Variants in ZMYND8 observed in about 807,000 individuals in gnomAD.
ZMYND8 encodes the protein zinc finger MYND-type containing 8.
In ZMYND8, 37 loss-of-function variants were observed where a neutral mutation model predicts 140.8. The ratio of observed to expected loss-of-function variants is 0.26; its 90% confidence interval spans 0.20 to 0.35. ZMYND8 has a LOEUF of 0.35. Ranked by LOEUF, ZMYND8 falls within the 10% of genes least tolerant of loss-of-function variation. ZMYND8 has a pLI of 1.00. For synonymous variants in ZMYND8, 592 were observed against 597.1 expected, an observed-to-expected ratio of 0.99 and a Z score of 0.12; for missense variants, 1,068 against 1,570.0, an observed-to-expected ratio of 0.68 and a Z score of 5.40.
At chr20:47,325,142 T>C (rs1272193039) in intron 2 of ZMYND8, among the ~76,000 whole-genome samples, 1 of 152,164 alleles carries the variant, frequency 6.6e-6, no homozygotes, top group Non-Finnish European at 1.5e-5. Flanking sequence ...TGACCTCAGG[T>C]GATTCACCCA....
At position 47,246,525 on chromosome 20, in the gene ZMYND8, C is replaced by T. The variant is rs756839685; in HGVS notation, c.1775-8G>A. The T allele has an allele frequency of 9.0e-6, 14 of 1,556,976 alleles. No homozygotes were observed. The Admixed American group carries it at 2.3e-4, about 25-fold the overall frequency. ...CCGAGATTTCATTTATGCCTAAATT[C>T]AAAAAGAAAACCCAGCATGTGGCGT... On this transcript the variant is annotated splice_polypyrimidine_tract_variant and splice_region_variant and intron_variant, in intron 13 of 22. Coordinates refer to ENST00000471951, the MANE Select transcript of ZMYND8 (RefSeq NM_001281775.3).
At chr20:47,235,665 T>C (rs957222659) in intron 16 of ZMYND8, among the ~76,000 whole-genome samples, 1 of 148,962 alleles carries the variant, frequency 6.7e-6, no homozygotes, top group Non-Finnish European at 1.5e-5. Flanking sequence ...CGAGATTGTG[T>C]CACTGCACTC....
chr20:47,211,219 T>C (rs1239810055), intron 22 of ZMYND8, among the ~76,000 whole-genome samples: 2 of 152,214 alleles, frequency 1.3e-5, no homozygotes, highest in African/African-American at 4.8e-5. Context: ...GTATCCTTAC[T>C]ACATCACTGA....
intron 2 of ZMYND8, among the ~76,000 whole-genome samples, chr20:47,340,033 C>G (rs1263333576): frequency 1.3e-5 from 2 of 152,044 alleles, no homozygotes; most frequent in Non-Finnish European, 2.9e-5. Flanking sequence ...ACCTCTGCCT[C>G]CTGGTTTCCA....
chr20:47,285,728 C>T, intron 8 of ZMYND8: 1 of 985,156 alleles, frequency 1.0e-6, no homozygotes. Flanking sequence ...AAACTGGGTA[C>T]TATTTAATGA....
chr20:47,287,076 T>C (rs1422278997), intron 8 of ZMYND8, among the ~76,000 whole-genome samples, 153 bp downstream of exon 8: 1 of 152,200 alleles, frequency 6.6e-6, no homozygotes, highest in South Asian at 2.1e-4. Context: ...CCCCTCTTTG[T>C]TCTTTTTACT....
At chr20:47,352,176 G>C (rs1349176447) in intron 1 of ZMYND8, among the ~76,000 whole-genome samples, 5 of 152,172 alleles carry the variant, frequency 3.3e-5, no homozygotes, top group African/African-American at 9.7e-5. Flanking sequence ...CAAGGAGGAA[G>C]CCCGGTCCCC....
At chr20:47,321,734 G>T (rs577759401) in intron 2 of ZMYND8, among the ~76,000 whole-genome samples, 2 of 152,128 alleles carry the variant, frequency 1.3e-5, no homozygotes, top group African/African-American at 2.4e-5. Flanking sequence ...TCCCAGGAAG[G>T]CCTCTGCCCT....
chr20:47,324,096 G>A (rs1383908990), intron 2 of ZMYND8, among the ~76,000 whole-genome samples: 1 of 151,888 alleles, frequency 6.6e-6, no homozygotes, highest in Non-Finnish European at 1.5e-5. Context: ...CAGCTGCTCG[G>A]GGGGCTAAGG....
At chr20:47,212,611 G>A (rs750160890) in intron 22 of ZMYND8, 31 bp downstream of exon 22, 41 of 1,611,428 alleles carry the variant, frequency 2.5e-5, no homozygotes, top group East Asian at 4.5e-5. Flanking sequence ...AAGAAGCCCC[G>A]GCAGCTTTCG....
At chr20:47,228,558 C>T (rs1450602919) in intron 17 of ZMYND8, among the ~76,000 whole-genome samples, 1 of 152,230 alleles carries the variant, frequency 6.6e-6, no homozygotes, top group Non-Finnish European at 1.5e-5. Flanking sequence ...AAGCCTTATT[C>T]TTTCCCTTCT....
chr20:47,332,295 A>G (rs2081022209), intron 2 of ZMYND8, among the ~76,000 whole-genome samples: 1 of 152,126 alleles, frequency 6.6e-6, no homozygotes, highest in African/African-American at 2.4e-5. Flanking sequence ...TGGGCAATAT[A>G]GTGAGACTCA....
At chr20:47,232,368 A>AAAATAAATAAATAAATAAATAAAT (rs3084712) in intron 16 of ZMYND8, among the ~76,000 whole-genome samples, 104 of 149,178 alleles carry the variant, frequency 7.0e-4, no homozygotes, top group African/African-American at 2.5e-3. Context: ...CCTTGTCTCA[A>AAAATAAATAAATAAATAAATAAAT]AAATAAATAA....
At chr20:47,288,444 G>T (rs1369842455) in intron 7 of ZMYND8, among the ~76,000 whole-genome samples, 1 of 147,316 alleles carries the variant, frequency 6.8e-6, no homozygotes, top group Non-Finnish European at 1.5e-5. Flanking sequence ...CCAGGTTGGA[G>T]TGCAGGGGCG....
intron 20 of ZMYND8, 120 bp from the exon 21 acceptor site, chr20:47,220,444 T>C: frequency 1.2e-6 from 1 of 840,108 alleles, no homozygotes; most frequent in South Asian, 1.5e-5. Context: ...CAGTGTCCTC[T>C]GCCTGGCACG....
intron 2 of ZMYND8, among the ~76,000 whole-genome samples, chr20:47,343,615 G>A (rs1250908750): frequency 1.3e-5 from 2 of 152,078 alleles, no homozygotes; most frequent in Non-Finnish European, 1.5e-5. Flanking sequence ...GGGTTCAAGT[G>A]ATTTTTCTGC....
intron 2 of ZMYND8, among the ~76,000 whole-genome samples, chr20:47,336,553 A>G (rs2081400301): frequency 6.6e-6 from 1 of 152,212 alleles, no homozygotes; most frequent in African/African-American, 2.4e-5. Flanking sequence ...CGCGGAGTAC[A>G]TCATTTCTCA....
chr20:47,349,188 G>C (rs1239186720), intron 1 of ZMYND8: 1 of 152,288 alleles, frequency 6.6e-6, no homozygotes, highest in Non-Finnish European at 1.5e-5. Flanking sequence ...CTTAGGATGG[G>C]AGCTAGATAG....
chr20:47,310,630 A>G (rs892924295), intron 2 of ZMYND8, among the ~76,000 whole-genome samples: 4 of 151,934 alleles, frequency 2.6e-5, no homozygotes, highest in Admixed American at 6.6e-5. Context: ...TACTAAGAGT[A>G]CAAAAATTAG....
Sources: gnomAD v4.1 joint callset for allele counts (sites outside exome capture counted in the v4.1 genomes callset) on GRCh38, gnomAD v4.1.1 for gene constraint, MANE v1.5 for transcripts, NCBI Gene and HGNC (gene_info 2026-07-23, HGNC 2026-07-21) for gene names.